METAP1: variants seen among roughly 807,000 people sequenced by gnomAD.
METAP1 encodes methionine aminopeptidase 1.
A neutral mutation model predicts 53.8 loss-of-function variants in METAP1; 28 were observed. The ratio of observed to expected loss-of-function variants is 0.52; its 90% CI spans 0.39 to 0.71. The LOEUF is 0.71. METAP1 is among the 30% of genes least tolerant of loss of function. METAP1 has a pLI of 0.00. For missense variants in METAP1, 389 were observed against 479.8 expected, an observed-to-expected ratio of 0.81 and a Z score of 1.77; for synonymous variants, 181 against 165.7, an observed-to-expected ratio of 1.09 and a Z score of -0.71.
chr4:99,022,416 AGTTGCCAGGTG>A, intron 1 of METAP1: 1 of 703,720 alleles, frequency 1.4e-6, no homozygotes, highest in Non-Finnish European at 2.3e-6. Context: ...TGTCCTAGGC[AGTTGCCAGGTG>A]AGCCCATTCA....
rs550883099 is a variant in METAP1, at chr4:99,046,069, A to G, written c.787+759A>G. 1.3e-4 allele frequency among the ~76,000 whole-genome samples: 20 copies of G among 152,298 alleles called. No homozygotes were observed. The East Asian group carries it at 3.3e-3, about 25-fold the overall frequency. ...TCTCAGGCTGTCTGTCTTTGTACAT[A>G]TGAACAACTTATCGAGGCTTTTTTG... On this transcript the variant is annotated intron_variant, in intron 8 of 10. Coordinates refer to ENST00000296411, the MANE Select transcript of METAP1 (RefSeq NM_015143.3).
At chr4:99,056,718 C>T (rs559902077) in intron 9 of METAP1, among the ~76,000 whole-genome samples, 1 of 151,998 alleles carries the variant, frequency 6.6e-6, no homozygotes, top group East Asian at 1.9e-4. Context: ...TACAGGCCCC[C>T]GCCACCACGC....
At chr4:99,036,765 A>G (rs1263878846) in intron 4 of METAP1, among the ~76,000 whole-genome samples, 1 of 152,026 alleles carries the variant, frequency 6.6e-6, no homozygotes, top group Non-Finnish European at 1.5e-5. Flanking sequence ...TTGTAATTTG[A>G]CTGCAAATTT....
Position 98,995,867 on chromosome 4 carries a change from G to C in METAP1, c.114G>C (p.Gln38His). 6.5e-7 allele frequency: 1 copy of C among 1,539,040 alleles called. No individual in the cohort carries two copies. Among genetic ancestry groups the C allele is most frequent in the Non-Finnish European group, 8.8e-7 (1 of 1,140,736 alleles). Residue 38 changes from glutamine to histidine, a missense_variant and splice_region_variant, in exon 1 of 11, where the codon CAG (glutamine) becomes CAC (histidine). Transcript: ENST00000296411. ...TCCAGGGCTCGTACTTCTGCTCGCA[G>C]GTAGGCGCCCGCTGCCCCGCGGATA... ...LGIQGSYFCS[Q>H]ECFKGSWATH...
chr4:99,053,557 A>G (rs1040748637), intron 9 of METAP1, among the ~76,000 whole-genome samples: 1 of 152,200 alleles, frequency 6.6e-6, no homozygotes, highest in Admixed American at 6.5e-5. Context: ...CCAGCCTACA[A>G]AGTTTTTAAT....
At chr4:99,055,584 G>A (rs1016377789) in intron 9 of METAP1, among the ~76,000 whole-genome samples, 1 of 152,166 alleles carries the variant, frequency 6.6e-6, no homozygotes. Flanking sequence ...TGTATTTGTT[G>A]AGTGAGGTAT....
chr4:99,037,043 T>G (rs1725470505), intron 4 of METAP1, among the ~76,000 whole-genome samples: 1 of 152,024 alleles, frequency 6.6e-6, no homozygotes, highest in African/African-American at 2.4e-5. Context: ...TTTGCTATTA[T>G]TTTAATCTGC....
chr4:99,025,443 T>G, intron 1 of METAP1: 2 of 985,342 alleles, frequency 2.0e-6, no homozygotes, highest in South Asian at 4.7e-5. Context: ...TTCACAGTAC[T>G]GGAAATAAAT....
chr4:99,025,353 A>G, intron 1 of METAP1: 1 of 983,654 alleles, frequency 1.0e-6, no homozygotes, highest in Non-Finnish European at 1.2e-6. Context: ...ATAATTTTGC[A>G]GTAGCGATTT....
intron 1 of METAP1, chr4:99,025,571 T>A (rs577852115): frequency 1.3e-6 from 1 of 744,366 alleles, no homozygotes; most frequent in Non-Finnish European, 1.6e-6. Context: ...GAGCCAGAGC[T>A]GAGAACCACA....
At chr4:99,059,955 C>T (rs1409759129) in intron 10 of METAP1, among the ~76,000 whole-genome samples, 5 of 152,092 alleles carry the variant, frequency 3.3e-5, no homozygotes, top group Non-Finnish European at 4.4e-5. Flanking sequence ...GTGTGCCTAC[C>T]ATTTTGAAAT....
At position 99,061,139 on chromosome 4, in the gene METAP1, TTTTG is replaced by T; in HGVS notation, c.998-8_998-5del. The T allele has an allele frequency of 1.9e-6, 3 of 1,601,798 alleles. No homozygotes were observed. The highest frequency in any genetic ancestry group is 2.6e-6 in the Non-Finnish European group (3 of 1,174,530). Reference sequence around the variant, plus strand: ...AAAACTGAGTGAACTAAGAAATTGTTTTTGTTTGTTGAAGGCGGATGGCAGGATG... The same window carrying T: ...AAAACTGAGTGAACTAAGAAATTGTTTTTGTTGAAGGCGGATGGCAGGATG... On this transcript the variant is annotated splice_polypyrimidine_tract_variant and intron_variant, in intron 10 of 10. Transcript: ENST00000296411.
Position 99,023,895 on chromosome 4 carries a change from C to T in METAP1, c.115-4972C>T, listed in dbSNP as rs373174031. The T allele has an allele frequency of 6.4e-5, 40 of 621,196 alleles. 1 individual carries two copies. In the East Asian group the frequency reaches 4.6e-3, roughly 71 times the overall value. The allele number at this position is 621,196 out of a possible 1,614,324, so 38.5% of individuals were successfully genotyped here. On this transcript the variant is annotated intron_variant, in intron 1 of 10. Transcript: ENST00000296411. ...AAAGAGTTACTTATTCATGCAGAGCCAGCTGTGTGGGAGATGGGAGTTTTA... is the reference window on the plus strand; with the variant it reads ...AAAGAGTTACTTATTCATGCAGAGCTAGCTGTGTGGGAGATGGGAGTTTTA...
At chr4:99,042,893 A>G (rs1725981755) in intron 6 of METAP1, among the ~76,000 whole-genome samples, 1 of 152,084 alleles carries the variant, frequency 6.6e-6, no homozygotes, top group Non-Finnish European at 1.5e-5. Flanking sequence ...CTGTAATTTC[A>G]AATTTGAAAT....
intron 4 of METAP1, among the ~76,000 whole-genome samples, chr4:99,038,738 T>G (rs1239291256): frequency 6.6e-6 from 1 of 152,136 alleles, no homozygotes; most frequent in Non-Finnish European, 1.5e-5. Context: ...TTTTTAAAAC[T>G]TTTTTGAGTA....
intron 1 of METAP1, among the ~76,000 whole-genome samples, chr4:99,011,167 T>G (rs1231010460): frequency 6.6e-6 from 1 of 152,202 alleles, no homozygotes; most frequent in Non-Finnish European, 1.5e-5. Context: ...CTTGCCTAAT[T>G]GCTCTGGCTA....
chr4:99,036,111 C>T (rs1311852890), intron 4 of METAP1: 1 of 154,188 alleles, frequency 6.5e-6, no homozygotes, highest in African/African-American at 2.4e-5. Flanking sequence ...AATCTCTGAC[C>T]TTAAGGCCTG....
chr4:99,001,178 C>G (rs1722907862), intron 1 of METAP1, among the ~76,000 whole-genome samples: 1 of 152,174 alleles, frequency 6.6e-6, no homozygotes, highest in East Asian at 1.9e-4. Context: ...GAGATATTAT[C>G]ATGTTGTGCG....
chr4:99,009,518 C>T (rs953124240), intron 1 of METAP1, among the ~76,000 whole-genome samples: 1 of 152,150 alleles, frequency 6.6e-6, no homozygotes, highest in African/African-American at 2.4e-5. Flanking sequence ...CATATCCCCA[C>T]CAACATTTGT....
Sources: allele counts gnomAD v4.1 joint callset (sites outside exome capture counted in the v4.1 genomes callset), GRCh38; gene constraint gnomAD v4.1.1; transcripts MANE v1.5; gene names NCBI Gene and HGNC (gene_info 2026-07-23, HGNC 2026-07-21).